Variants in TEKT5 observed in about 807,000 individuals in gnomAD.
TEKT5 encodes tektin 5, also known as tektin-5.
In TEKT5, 52 loss-of-function variants were observed where a neutral mutation model predicts 48.7. That is an observed-to-expected ratio of 1.07 (90% confidence interval 0.86 to 1.35). The LOEUF is 1.35. Ranked by LOEUF, TEKT5 falls within the 40% of genes most tolerant of loss-of-function variation. The pLI, the probability that TEKT5 is intolerant of heterozygous loss-of-function variation, is 0.00. For synonymous variants in TEKT5, 318 were observed against 267.6 expected (o/e 1.19, Z -1.84); for missense variants, 831 against 641.6 (o/e 1.30, Z -3.19).
At chr16:10,694,204 C>T (rs978871488) in intron 1 of TEKT5, 106 bp downstream of exon 1, 14 of 1,165,288 alleles carry the variant, frequency 1.2e-5, no homozygotes, top group South Asian at 9.5e-5. Context: ...CAGCTCAAAC[C>T]GACCTGCAAG....
chr16:10,650,017 T>G (rs1002451552), intron 5 of TEKT5, among the ~76,000 whole-genome samples: 3 of 151,858 alleles, frequency 2.0e-5, no homozygotes, highest in Admixed American at 6.6e-5. Context: ...TTCCACTTTC[T>G]TCCTCCCCCT....
chr16:10,648,551 C>G (rs543825450), intron 5 of TEKT5, among the ~76,000 whole-genome samples: 5 of 152,078 alleles, frequency 3.3e-5, no homozygotes, highest in Non-Finnish European at 7.4e-5. Flanking sequence ...AGGCTGGTCT[C>G]GAACTCCCGG....
chr16:10,645,567 C>CT (rs1898057402), intron 5 of TEKT5, among the ~76,000 whole-genome samples: 1 of 152,096 alleles, frequency 6.6e-6, no homozygotes, highest in East Asian at 1.9e-4. Context: ...CTTTGGGAGG[C>CT]CAAAGCAGGC....
intron 6 of TEKT5, among the ~76,000 whole-genome samples, chr16:10,628,312 T>C (rs1011831129): frequency 6.6e-6 from 1 of 152,094 alleles, no homozygotes; most frequent in African/African-American, 2.4e-5. Context: ...TCAAGGGTAA[T>C]GTACACAAAG....
chr16:10,687,037 G>A (rs997688676), intron 3 of TEKT5, among the ~76,000 whole-genome samples: 3 of 152,086 alleles, frequency 2.0e-5, no homozygotes, highest in African/African-American at 4.8e-5. Flanking sequence ...TAAAACAAGC[G>A]AACAAATAAA....
intron 5 of TEKT5, among the ~76,000 whole-genome samples, chr16:10,669,082 A>C (rs2719693): frequency 0.34 from 51,919 of 152,028 alleles, 10,057 homozygotes; most frequent in East Asian, 0.54. Context: ...ATATTTTTTG[A>C]ACTCTGTGAG....
chr16:10,630,500 C>A (rs974770838), intron 6 of TEKT5, among the ~76,000 whole-genome samples: 18 of 152,198 alleles, frequency 1.2e-4, no homozygotes, highest in African/African-American at 4.1e-4. Flanking sequence ...CTCCGCCTCC[C>A]AGGAGAGGAC....
intron 6 of TEKT5, among the ~76,000 whole-genome samples, chr16:10,635,395 A>T (rs1897898545): frequency 1.3e-5 from 2 of 152,038 alleles, no homozygotes; most frequent in Non-Finnish European, 2.9e-5. Context: ...TCTTTCATGG[A>T]AGCCTGGAGA....
intron 5 of TEKT5, among the ~76,000 whole-genome samples, chr16:10,668,079 A>T (rs1898489603): frequency 6.6e-6 from 1 of 152,136 alleles, no homozygotes. Flanking sequence ...AGGTTTCACC[A>T]TGTTGGCCAG....
chr16:10,642,991 A>C (rs1898016656), intron 5 of TEKT5, among the ~76,000 whole-genome samples: 1 of 152,256 alleles, frequency 6.6e-6, no homozygotes, highest in African/African-American at 2.4e-5. Context: ...TCCCAACACA[A>C]AGAAATGATG....
intron 5 of TEKT5, among the ~76,000 whole-genome samples, chr16:10,650,577 T>C (rs550108308): frequency 1.3e-5 from 2 of 150,710 alleles, no homozygotes; most frequent in East Asian, 3.9e-4. Flanking sequence ...TCATCTTCAT[T>C]AGAAGGGAGG....
intron 5 of TEKT5, among the ~76,000 whole-genome samples, chr16:10,645,444 G>A (rs1898055539): frequency 6.6e-6 from 1 of 152,130 alleles, no homozygotes; most frequent in African/African-American, 2.4e-5. Flanking sequence ...CCCAGGAGGT[G>A]AAGGCTGCAG....
intron 6 of TEKT5, among the ~76,000 whole-genome samples, chr16:10,630,337 G>C (rs547300829): frequency 1.3e-5 from 2 of 152,028 alleles, no homozygotes; most frequent in South Asian, 2.1e-4. Flanking sequence ...CTGGGTTCAA[G>C]AGATCCTCCT....
chr16:10,683,187 G>A (rs533252577), intron 3 of TEKT5, among the ~76,000 whole-genome samples: 1 of 152,200 alleles, frequency 6.6e-6, no homozygotes, highest in East Asian at 1.9e-4. Context: ...AGACCTTATG[G>A]GGGAATGAGA....
rs1249663250 is a variant in TEKT5, at chr16:10,630,505, G to A, written c.1242-2706C>T. On this transcript the variant is annotated intron_variant, in intron 6 of 6. Coordinates refer to ENST00000283025, the MANE Select transcript of TEKT5 (RefSeq NM_144674.2). Reference sequence around the variant, plus strand: ...ATCCTCCTCCCTCCGCCTCCCAGGAGAGGACTTTGAGCAGAGAAGAAAGAT... The same window carrying A: ...ATCCTCCTCCCTCCGCCTCCCAGGAAAGGACTTTGAGCAGAGAAGAAAGAT... Among the ~76,000 whole-genome samples the A allele has an allele frequency of 3.3e-5, 5 of 152,314 alleles. No individual in the cohort carries two copies. In the East Asian group the frequency reaches 7.7e-4, roughly 23 times the overall value.
intron 1 of TEKT5, 158 bp from the exon 2 acceptor site, chr16:10,690,183 C>T (rs895357283): frequency 6.1e-6 from 4 of 658,850 alleles, no homozygotes; most frequent in Non-Finnish European, 5.1e-6. Context: ...GGGCTTCTGC[C>T]TCCCCTTCTC....
At chr16:10,691,468 C>T (rs879611623) in intron 1 of TEKT5, 1 of 152,420 alleles carries the variant, frequency 6.6e-6, no homozygotes, top group African/African-American at 2.4e-5. Flanking sequence ...AGGACTGTGT[C>T]ATGAGAAGCA....
intron 5 of TEKT5, among the ~76,000 whole-genome samples, chr16:10,642,931 G>A (rs1267021776): frequency 6.6e-6 from 1 of 152,174 alleles, no homozygotes; most frequent in Non-Finnish European, 1.5e-5. Context: ...TGCCACTGTA[G>A]GATGACTGAA....
chr16:10,667,919 C>A (rs572044255), intron 5 of TEKT5, among the ~76,000 whole-genome samples: 147 of 151,726 alleles, frequency 9.7e-4, no homozygotes, highest in African/African-American at 3.4e-3. Flanking sequence ...GCTCTGTCGC[C>A]CAGGCTGGAG....
Sources: allele counts gnomAD v4.1 joint callset (sites outside exome capture counted in the v4.1 genomes callset), GRCh38; gene constraint gnomAD v4.1.1; transcripts MANE v1.5; gene names NCBI Gene and HGNC (gene_info 2026-07-23, HGNC 2026-07-21).